Variants in FAM169A observed in about 807,000 individuals in gnomAD.
FAM169A encodes family with sequence similarity 169 member A.
FAM169A carries 24 observed loss-of-function variants against 75.7 expected under a neutral mutation model. The ratio of observed to expected loss-of-function variants is 0.32; its 90% CI spans 0.23 to 0.45. The LOEUF is 0.45. Among genes scored for constraint, FAM169A ranks in the 20% least tolerant of loss-of-function variants. FAM169A has a pLI of 1.00. For synonymous variants in FAM169A, 271 were observed against 271.0 expected, an observed-to-expected ratio of 1.00 and a Z score of 0.00; for missense variants, 673 against 784.0, an observed-to-expected ratio of 0.86 and a Z score of 1.69.
At position 74,813,996 on chromosome 5, in the gene FAM169A, T is replaced by A; in HGVS notation, c.514A>T (p.Thr172Ser). ...PTGSICASFL[T>S]QSYQLPVLDT... ...AGAACTGGCAATTGGTAACTTTGGGTAAGAAAAGAGGCACATATGCTTCCT... is the reference window on the plus strand; with the variant it reads ...AGAACTGGCAATTGGTAACTTTGGGAAAGAAAAGAGGCACATATGCTTCCT... Residue 172 changes from threonine (T) to serine (S), a missense_variant, in exon 6 of 13, where the codon ACC becomes TCC. Coordinates refer to ENST00000687041, the MANE Select transcript of FAM169A (RefSeq NM_001376049.1). The A allele has an allele frequency of 4.4e-6, 7 of 1,584,004 alleles. No homozygotes were observed. Among genetic ancestry groups the A allele is most frequent in the Non-Finnish European group, 6.0e-6 (7 of 1,170,020 alleles).
Position 74,846,407 on chromosome 5 carries a change from T to G in FAM169A, c.-3-4728A>C, listed in dbSNP as rs142489698. 5.6e-4 allele frequency among the ~76,000 whole-genome samples: 86 copies of G among 152,248 alleles called. 2 individuals carry two copies. The highest frequency in any genetic ancestry group is 1.9e-3 in the African/African-American group (80 of 41,566). On this transcript the variant is annotated intron_variant, in intron 1 of 12. Coordinates refer to ENST00000687041, the MANE Select transcript of FAM169A (RefSeq NM_001376049.1). ...AAAAATAATATGGCAGCATAAAGAA[T>G]ACAAAATGGACATAAGAGTTTGATA...
chr5:74,853,315 T>C (rs1749538106), intron 1 of FAM169A, among the ~76,000 whole-genome samples: 2 of 152,360 alleles, frequency 1.3e-5, no homozygotes, highest in East Asian at 3.9e-4. Flanking sequence ...TGATTGCTTA[T>C]CTTGCACCTC....
intron 8 of FAM169A, among the ~76,000 whole-genome samples, chr5:74,804,172 A>G (rs1345035194): frequency 1.3e-5 from 2 of 152,144 alleles, no homozygotes; most frequent in African/African-American, 4.8e-5. Flanking sequence ...ATGCGATATT[A>G]AATATATATG....
chr5:74,804,020 T>A (rs533362918), intron 8 of FAM169A, among the ~76,000 whole-genome samples: 6 of 152,138 alleles, frequency 3.9e-5, no homozygotes, highest in Non-Finnish European at 7.4e-5. Context: ...TAGAATAGTG[T>A]GCTGCTATGT....
At chr5:74,865,115 T>C (rs1008301729) in intron 1 of FAM169A, among the ~76,000 whole-genome samples, 1 of 152,164 alleles carries the variant, frequency 6.6e-6, no homozygotes, top group Admixed American at 6.5e-5. Context: ...TGTGATGCAA[T>C]GACAAAATAT....
intron 4 of FAM169A, among the ~76,000 whole-genome samples, chr5:74,836,483 T>G (rs890238772): frequency 6.6e-6 from 1 of 152,198 alleles, no homozygotes; most frequent in Non-Finnish European, 1.5e-5. Flanking sequence ...TAATTGAGCA[T>G]CAGTTTCCAG....
chr5:74,799,371 G>C, intron 10 of FAM169A: 1 of 1,612,314 alleles, frequency 6.2e-7, no homozygotes, highest in Non-Finnish European at 8.5e-7. Context: ...GTTACTTTGA[G>C]TCTGAAAATG....
At chr5:74,863,979 A>G (rs749205829) in intron 1 of FAM169A, among the ~76,000 whole-genome samples, 32 of 152,058 alleles carry the variant, frequency 2.1e-4, no homozygotes, top group Non-Finnish European at 8.8e-5. Context: ...CTAAACCAAG[A>G]CTCATCTCTA....
chr5:74,795,636 A>G lies in FAM169A; in HGVS notation c.1260+394T>C, dbSNP rs576696626. 2.1e-4 allele frequency among the ~76,000 whole-genome samples: 32 copies of G among 152,340 alleles called. No homozygotes were observed. The South Asian group carries it at 3.3e-3, about 16-fold the overall frequency. Reference sequence around the variant, plus strand: ...TTAGTAATTCCTACCCCTCTAACTAAAATGGGGGTGCCCCTGAAGGTTTAT... The same window carrying G: ...TTAGTAATTCCTACCCCTCTAACTAGAATGGGGGTGCCCCTGAAGGTTTAT... On this transcript the variant is annotated intron_variant, in intron 11 of 12. Coordinates refer to ENST00000687041, the MANE Select transcript of FAM169A (RefSeq NM_001376049.1).
intron 1 of FAM169A, among the ~76,000 whole-genome samples, chr5:74,864,972 GATC>G (rs142100898): frequency 0.024 from 3,667 of 152,254 alleles, 150 homozygotes; most frequent in African/African-American, 0.084. Context: ...AGTTTGCAAA[GATC>G]ATCTGTACAT....
chr5:74,842,455 A>AG, intron 1 of FAM169A, among the ~76,000 whole-genome samples: 1 of 137,126 alleles, frequency 7.3e-6, no homozygotes, highest in African/African-American at 2.8e-5. Context: ...AAAAAAAAAA[A>AG]ATCACTGAAT....
chr5:74,829,825 T>G (rs6897904), intron 5 of FAM169A, among the ~76,000 whole-genome samples: 1 of 151,748 alleles, frequency 6.6e-6, no homozygotes, highest in South Asian at 2.1e-4. Flanking sequence ...AATACAAAAT[T>G]AGCCGGGCGT....
chr5:74,826,957 G>A (rs1047248470), intron 5 of FAM169A, among the ~76,000 whole-genome samples: 14 of 152,110 alleles, frequency 9.2e-5, no homozygotes, highest in African/African-American at 3.4e-4. Flanking sequence ...TTGACACTAT[G>A]GCTGATTGTC....
At chr5:74,841,473 TA>T in intron 2 of FAM169A, 71 bp downstream of exon 2, 1 of 1,200,240 alleles carries the variant, frequency 8.3e-7, no homozygotes, top group Non-Finnish European at 1.1e-6. Context: ...ATGATTTTTT[TA>T]AAAAAGGATA....
At chr5:74,864,927 C>G (rs188026766) in intron 1 of FAM169A, among the ~76,000 whole-genome samples, 73 of 152,280 alleles carry the variant, frequency 4.8e-4, no homozygotes, top group African/African-American at 1.7e-3. Flanking sequence ...AAAATCTTTC[C>G]TCTTGTAAAC....
chr5:74,796,280 A>C, intron 10 of FAM169A, 94 bp from the exon 11 acceptor site: 1 of 1,139,318 alleles, frequency 8.8e-7, no homozygotes. Context: ...TTAGAGAATC[A>C]ACTATGTTGT....
intron 1 of FAM169A, 31 bp downstream of exon 1, chr5:74,866,134 G>A: frequency 6.2e-6 from 6 of 960,872 alleles, no homozygotes; most frequent in Non-Finnish European, 6.2e-6. Context: ...CTCACCCAGC[G>A]GTCCGCGCCG....
At chr5:74,804,808 T>C (rs1174354656) in intron 7 of FAM169A, among the ~76,000 whole-genome samples, 1 of 152,228 alleles carries the variant, frequency 6.6e-6, no homozygotes, top group Non-Finnish European at 1.5e-5. Context: ...TTTAAGTATT[T>C]AGTAGCTTTG....
chr5:74,801,693 C>G, intron 8 of FAM169A, 64 bp from the exon 9 acceptor site: 1 of 1,209,554 alleles, frequency 8.3e-7, no homozygotes, highest in Middle Eastern at 1.9e-4. Flanking sequence ...GGATCTATTT[C>G]ACTTATAGTT....
Sources: gnomAD v4.1 joint callset for allele counts (sites outside exome capture counted in the v4.1 genomes callset) on GRCh38, gnomAD v4.1.1 for gene constraint, MANE v1.5 for transcripts, NCBI Gene and HGNC (gene_info 2026-07-23, HGNC 2026-07-21) for gene names.